PTER: variants seen among roughly 807,000 people sequenced by gnomAD.
PTER encodes phosphotriesterase related, also known as N-acetyltaurine hydrolase.
In PTER, 38 loss-of-function variants were observed where a neutral mutation model predicts 29.6. The observed-to-expected ratio is 1.28, with a 90% CI of 0.99 to 1.68. The LOEUF is 1.68. PTER is among the 40% of genes most tolerant of loss of function. PTER has a pLI of 0.00. For synonymous variants in PTER, 172 were observed against 154.5 expected (o/e 1.11, Z -0.84); for missense variants, 482 against 427.8 (o/e 1.13, Z -1.12).
At chr10:16,500,714 C>T (rs1175276070) in intron 3 of PTER, among the ~76,000 whole-genome samples, 5 of 152,028 alleles carry the variant, frequency 3.3e-5, no homozygotes, top group Admixed American at 3.3e-4. Flanking sequence ...TCCCTACAGT[C>T]CCTATTCATC....
chr10:16,501,035 G>A (rs529746908), intron 3 of PTER, among the ~76,000 whole-genome samples: 36 of 152,160 alleles, frequency 2.4e-4, no homozygotes, highest in Middle Eastern at 6.8e-3. Context: ...AGGGTCAAGC[G>A]ATTCTTCTGC....
At chr10:16,508,070 CTTT>C (rs56800279) in intron 4 of PTER, among the ~76,000 whole-genome samples, 2 of 127,864 alleles carry the variant, frequency 1.6e-5, no homozygotes. Context: ...TTTTCTTTTT[CTTT>C]TTTTTTTTTT....
Position 16,455,969 on chromosome 10 carries a change from C to G in PTER, c.-49+18922C>G, listed in dbSNP as rs539321616. Among the ~76,000 whole-genome samples the G allele has an allele frequency of 1.7e-4, 26 of 152,204 alleles. No homozygotes were observed. In the East Asian group the frequency reaches 4.5e-3, roughly 26 times the overall value. ...TACTTTTTTTTTGGAAACCGAGCATCTAAGTAATTCTGAGTTCTCCCAGGC... is the reference window on the plus strand; with the variant it reads ...TACTTTTTTTTTGGAAACCGAGCATGTAAGTAATTCTGAGTTCTCCCAGGC... On this transcript the variant is annotated intron_variant, in intron 1 of 4. Coordinates refer to ENST00000535784, the MANE Select transcript of PTER (RefSeq NM_001261836.2).
chr10:16,469,139 A>G (rs993246888), intron 1 of PTER, among the ~76,000 whole-genome samples: 1 of 152,160 alleles, frequency 6.6e-6, no homozygotes, highest in Non-Finnish European at 1.5e-5. Context: ...AAGGCCGAGT[A>G]GAAGTTGGCC....
At chr10:16,457,389 T>G (rs1263173357) in intron 1 of PTER, among the ~76,000 whole-genome samples, 1 of 151,946 alleles carries the variant, frequency 6.6e-6, no homozygotes, top group Non-Finnish European at 1.5e-5. Context: ...ATTTTTTGTA[T>G]TTTTTAGTAG....
At chr10:16,447,690 G>GT (rs1834065694) in intron 1 of PTER, among the ~76,000 whole-genome samples, 1 of 151,968 alleles carries the variant, frequency 6.6e-6, no homozygotes, top group Non-Finnish European at 1.5e-5. Flanking sequence ...ATAAGGTCTT[G>GT]GTCCATATTC....
rs370170867 is a variant in PTER at position 16,484,486 on chromosome 10, C to A, written c.102C>A (p.Asp34Glu). ...ATGAACACCTGGCCATGACCTTTGA[C>A]TGCTGTTACTGTCCACCTCCCCCGT... ...LTHEHLAMTF[D>E]CCYCPPPPCQ... Residue 34 changes from aspartate (D) to glutamate (E), a missense_variant, in exon 2 of 5, where the codon GAC (aspartate) becomes GAA (glutamate). Asp to Glu is a conservative substitution (Grantham distance 45). Coordinates refer to ENST00000535784, the MANE Select transcript of PTER (RefSeq NM_001261836.2). 5.0e-6 allele frequency: 8 copies of A among 1,613,980 alleles called. No homozygotes were observed. In the African/African-American group the frequency reaches 9.3e-5, roughly 19 times the overall value.
At chr10:16,500,205 C>T (rs377672809) in intron 3 of PTER, among the ~76,000 whole-genome samples, 9 of 150,544 alleles carry the variant, frequency 6.0e-5, no homozygotes, top group African/African-American at 1.7e-4. Flanking sequence ...AGTTTTTGAG[C>T]GGATAAGAAT....
chr10:16,467,629 T>G (rs1310733470), intron 1 of PTER, among the ~76,000 whole-genome samples: 2 of 152,092 alleles, frequency 1.3e-5, no homozygotes, highest in Admixed American at 6.5e-5. Flanking sequence ...CTGGCCTACA[T>G]GGTGAAACGC....
chr10:16,506,331 C>G (rs1026035642), intron 4 of PTER, among the ~76,000 whole-genome samples: 1 of 151,996 alleles, frequency 6.6e-6, no homozygotes, highest in Non-Finnish European at 1.5e-5. Flanking sequence ...AATAAAGGAT[C>G]AAGGGAAGCT....
rs1398529692 is a variant in PTER, at chr10:16,490,122, C to G, written c.698+3505C>G. Among the ~76,000 whole-genome samples the G allele has an allele frequency of 3.3e-5, 5 of 152,308 alleles. 1 individual carries two copies. In the East Asian group the frequency reaches 9.6e-4, roughly 29 times the overall value. On this transcript the variant is annotated intron_variant, in intron 3 of 4. Transcript: ENST00000535784. Reference sequence around the variant, plus strand: ...TAACGTAGTCTACCTTAAACATGCTCAGAACCCTTACATTAGCCTATACTT... The same window carrying G: ...TAACGTAGTCTACCTTAAACATGCTGAGAACCCTTACATTAGCCTATACTT...
At position 16,477,025 on chromosome 10, in the gene PTER, C is replaced by T. The variant is rs187859171; in HGVS notation, c.-48-7312C>T. ...GGCTCAAGCAATACTCCCACCTCAG[C>T]CTCTCAAGTAGCTGGGACTATAGGC... On this transcript the variant is annotated intron_variant, in intron 1 of 4. Coordinates refer to ENST00000535784, the MANE Select transcript of PTER (RefSeq NM_001261836.2). 7.9e-5 allele frequency among the ~76,000 whole-genome samples: 12 copies of T among 151,892 alleles called. No individual in the cohort carries two copies. In the East Asian group the frequency reaches 2.3e-3, roughly 29 times the overall value.
intron 1 of PTER, chr10:16,437,289 C>T (rs1414293293): frequency 6.6e-6 from 1 of 151,918 alleles, no homozygotes; most frequent in Non-Finnish European, 1.5e-5. Flanking sequence ...GACAGCAATG[C>T]CCGGGGGCGT....
intron 3 of PTER, among the ~76,000 whole-genome samples, chr10:16,504,766 A>G (rs973046884): frequency 1.3e-5 from 2 of 152,224 alleles, no homozygotes; most frequent in Admixed American, 1.3e-4. Context: ...TGGAAGCATC[A>G]TTAAACTAAG....
intron 3 of PTER, among the ~76,000 whole-genome samples, chr10:16,503,969 C>G (rs1461319120): frequency 6.6e-6 from 1 of 152,186 alleles, no homozygotes; most frequent in Admixed American, 6.5e-5. Flanking sequence ...CGAAACGATC[C>G]CTTACATTTC....
chr10:16,516,017 A>G (rs947411707), downstream of PTER, among the ~76,000 whole-genome samples: 1 of 152,176 alleles, frequency 6.6e-6, no homozygotes. Flanking sequence ...TTTTCTTGTG[A>G]TATAGTCTCA....
intron 4 of PTER, among the ~76,000 whole-genome samples, chr10:16,509,295 T>TGA (rs1554794630): frequency 6.6e-6 from 1 of 152,050 alleles, no homozygotes; most frequent in Non-Finnish European, 1.5e-5. Context: ...ATCTTTCTCA[T>TGA]AAGTAGTCTC....
chr10:16,463,118 G>A (rs982570012), intron 1 of PTER, among the ~76,000 whole-genome samples: 8 of 150,820 alleles, frequency 5.3e-5, no homozygotes, highest in Admixed American at 2.6e-4. Flanking sequence ...GCTTGAACCC[G>A]GGAGGCGGAG....
At chr10:16,475,428 G>A (rs763394966) in intron 1 of PTER, among the ~76,000 whole-genome samples, 1 of 152,134 alleles carries the variant, frequency 6.6e-6, no homozygotes, top group African/African-American at 2.4e-5. Context: ...TCTCCATATT[G>A]TCTCAGGGCC....
Sources: allele counts gnomAD v4.1 joint callset (sites outside exome capture counted in the v4.1 genomes callset), GRCh38; gene constraint gnomAD v4.1.1; transcripts MANE v1.5; gene names NCBI Gene and HGNC (gene_info 2026-07-23, HGNC 2026-07-21).